FLRT2: variants seen among roughly 807,000 people sequenced by gnomAD.
FLRT2 encodes fibronectin leucine rich transmembrane protein 2, also known as leucine-rich repeat transmembrane protein FLRT2.
FLRT2 carries 15 observed loss-of-function variants against 40.0 expected under a neutral mutation model. The ratio of observed to expected loss-of-function variants is 0.38; its 90% CI spans 0.25 to 0.58. FLRT2 has a LOEUF of 0.58. Ranked by LOEUF, FLRT2 falls within the 20% of genes least tolerant of loss-of-function variation. The pLI, the probability that FLRT2 is intolerant of heterozygous loss-of-function variation, is 0.71. For synonymous variants in FLRT2, 380 were observed against 336.8 expected (o/e 1.13, Z -1.41); for missense variants, 726 against 840.0 (o/e 0.86, Z 1.68).
chr14:85,581,227 T>A (rs1337345184), intron 1 of FLRT2, among the ~76,000 whole-genome samples: 1 of 152,164 alleles, frequency 6.6e-6, no homozygotes, highest in African/African-American at 2.4e-5. Context: ...AAATGAGGCT[T>A]ATGCAAATTA....
At chr14:85,616,113 A>G (rs1338869388) in intron 1 of FLRT2, among the ~76,000 whole-genome samples, 1 of 152,080 alleles carries the variant, frequency 6.6e-6, no homozygotes, top group Non-Finnish European at 1.5e-5. Context: ...AGAGACTGGC[A>G]AGGACGGGTT....
intron 1 of FLRT2, among the ~76,000 whole-genome samples, chr14:85,551,455 C>G (rs1387293216): frequency 6.6e-6 from 1 of 152,148 alleles, no homozygotes; most frequent in Non-Finnish European, 1.5e-5. Flanking sequence ...TAGCTCTTAC[C>G]TTTCTCCAAG....
Position 85,647,876 on chromosome 14 carries a change from T to C in FLRT2, c.*24379T>C, listed in dbSNP as rs1894344568. 6.6e-6 allele frequency: 1 copy of C among 152,094 alleles called. No homozygotes were observed. Among genetic ancestry groups the C allele is most frequent in the South Asian group, 2.1e-4 (1 of 4,826 alleles). 9.4% of individuals were successfully genotyped at this position (152,094 alleles called of 1,614,324 possible). A position where few individuals can be genotyped will look rare whatever the true frequency, so the allele number is the denominator to read the frequency against. Reference sequence around the variant, plus strand: ...GTGCTAGGTGAGGTCAAAAGTAATATGAAATAGGAAGAGGATAAACAGTGT... The same window carrying C: ...GTGCTAGGTGAGGTCAAAAGTAATACGAAATAGGAAGAGGATAAACAGTGT... On this transcript the variant is annotated 3_prime_UTR_variant, in exon 2 of 2. Transcript: ENST00000330753.
At position 85,652,394 on chromosome 14, in the gene FLRT2, C is replaced by T. The variant is rs1024891873; in HGVS notation, c.*28897C>T. 1 of 151,984 alleles carries T rather than the reference C, an allele frequency of 6.6e-6. No homozygotes were observed. The highest frequency in any genetic ancestry group is 6.6e-5 in the Admixed American group (1 of 15,236). 9.4% of individuals were successfully genotyped at this position (151,984 alleles called of 1,614,324 possible). ...TTTCATTGAGGAATACCCAAGATAC[C>T]AAGTTTTCTTTCAGAAGTAATTTGC... On this transcript the variant is annotated 3_prime_UTR_variant, in exon 2 of 2. Transcript: ENST00000330753.
At chr14:85,619,982 G>C (rs915348453) in intron 1 of FLRT2, among the ~76,000 whole-genome samples, 1 of 152,176 alleles carries the variant, frequency 6.6e-6, no homozygotes, top group Non-Finnish European at 1.5e-5. Context: ...TTTACCCCTA[G>C]TCGTGAGCTT....
chr14:85,578,569 G>T (rs1194025205), intron 1 of FLRT2, among the ~76,000 whole-genome samples: 2 of 152,116 alleles, frequency 1.3e-5, no homozygotes, highest in African/African-American at 4.8e-5. Context: ...AGGAGGACAG[G>T]CCTGACCTCA....
chr14:85,617,702 G>A (rs773745033), intron 1 of FLRT2, among the ~76,000 whole-genome samples: 4 of 152,166 alleles, frequency 2.6e-5, no homozygotes, highest in Non-Finnish European at 5.9e-5. Flanking sequence ...AAAATAGAGT[G>A]CATTCACTGA....
Position 85,622,243 on chromosome 14 carries a change from C to T in FLRT2, c.729C>T (p.Ser243=), listed in dbSNP as rs1893425832. The change falls in exon 2 of 2, where the codon TCC becomes TCT. Residue 243 remains serine, a synonymous_variant. Transcript: ENST00000330753. The part of the protein sequence containing the change: ...KEFSIVRNSL[S]HPPPDLPGTH... ...TTTCAATTGTACGTAATTCGCTGTC[C>T]CACCCTCCTCCCGATCTCCCAGGTA... 1.2e-6 allele frequency: 2 copies of T among 1,614,098 alleles called. No individual in the cohort carries two copies. The highest frequency in any genetic ancestry group is 1.6e-4 in the Middle Eastern group (1 of 6,062).
At chr14:85,539,046 A>G (rs1302078837) in intron 1 of FLRT2, among the ~76,000 whole-genome samples, 1 of 152,144 alleles carries the variant, frequency 6.6e-6, no homozygotes, top group Non-Finnish European at 1.5e-5. Flanking sequence ...GTTTGCGTGC[A>G]TAGGGGCCAT....
rs767217858 is a variant in FLRT2, at chr14:85,611,911, C to T, written c.-376-9228C>T. Among the ~76,000 whole-genome samples the T allele has an allele frequency of 7.4e-3, 943 of 128,268 alleles. 10 individuals are homozygous for T. The highest frequency in any genetic ancestry group is 0.017 in the Middle Eastern group (4 of 236). The allele number at this position is 128,268 out of a possible 152,430, so 84.1% of individuals were successfully genotyped here. ...GAGAGAGAGAGAGAGCGCGCGTGCG[C>T]GAAAGCGTGTGTGTGTGTGTGTGTG... On this transcript the variant is annotated intron_variant, in intron 1 of 1. Transcript: ENST00000330753.
chr14:85,610,545 A>G (rs1295409333), intron 1 of FLRT2, among the ~76,000 whole-genome samples: 2 of 152,150 alleles, frequency 1.3e-5, no homozygotes, highest in African/African-American at 4.8e-5. Flanking sequence ...TCTTGGCCCT[A>G]TTTCTGCACT....
intron 1 of FLRT2, among the ~76,000 whole-genome samples, chr14:85,587,316 G>A (rs796841860): frequency 3.1e-4 from 46 of 150,206 alleles, no homozygotes; most frequent in African/African-American, 1.1e-3. Flanking sequence ...GAAGAAAGCA[G>A]AGCTCATCTT....
At position 85,621,748 on chromosome 14, in the gene FLRT2, T is replaced by C. The variant is rs917172092; in HGVS notation, c.234T>C (p.Ala78=). 2 of 1,614,114 alleles carry C rather than the reference T, an allele frequency of 1.2e-6. No individual in the cohort carries two copies. Among genetic ancestry groups the C allele is most frequent in the African/African-American group, 2.7e-5 (2 of 74,942 alleles). The change falls in exon 2 of 2, where the codon GCT becomes GCC. Residue 78 remains alanine, a synonymous_variant. Transcript: ENST00000330753. The part of the protein sequence containing the change: ...LYLHNNQINN[A]GFPAELHNVQ... ...TCCACAACAACCAAATTAATAATGC[T>C]GGATTTCCTGCAGAACTGCACAATG...
rs904487442 is a variant in FLRT2, at chr14:85,635,144, C to G, written c.*11647C>G. On this transcript the variant is annotated 3_prime_UTR_variant, in exon 2 of 2. Coordinates refer to ENST00000330753, the MANE Select transcript of FLRT2 (RefSeq NM_013231.6). ...TATGTTAGGGAAGCAACCTGCATAA[C>G]CATTAAAATCAGGAGCTACAGAATC... The G allele has an allele frequency of 6.6e-6, 1 of 152,098 alleles. No homozygotes were observed. Among genetic ancestry groups the G allele is most frequent in the Non-Finnish European group, 1.5e-5 (1 of 68,006 alleles). 9.4% of individuals were successfully genotyped at this position (152,098 alleles called of 1,614,324 possible).
At chr14:85,553,004 T>G (rs1009116567) in intron 1 of FLRT2, among the ~76,000 whole-genome samples, 1 of 152,214 alleles carries the variant, frequency 6.6e-6, no homozygotes, top group African/African-American at 2.4e-5. Context: ...CATTGAATTT[T>G]AACTATGGGA....
At position 85,623,521 on chromosome 14, in the gene FLRT2, A is replaced by G; in HGVS notation, c.*24A>G. 2.8e-6 allele frequency: 4 copies of G among 1,415,296 alleles called. No homozygotes were observed. Among genetic ancestry groups the G allele is most frequent in the Non-Finnish European group, 3.7e-6 (4 of 1,081,852 alleles). The allele number at this position is 1,415,296 out of a possible 1,614,324, so 87.7% of individuals were successfully genotyped here. ...GACAGCCAGAGGCCCAGCGTTATCA[A>G]GGCGGACAATTAGACTCTTGAGAAC... On this transcript the variant is annotated 3_prime_UTR_variant, in exon 2 of 2. Coordinates refer to ENST00000330753, the MANE Select transcript of FLRT2 (RefSeq NM_013231.6).
At chr14:85,573,598 T>C (rs899414786) in intron 1 of FLRT2, among the ~76,000 whole-genome samples, 2 of 152,144 alleles carry the variant, frequency 1.3e-5, no homozygotes, top group Non-Finnish European at 2.9e-5. Context: ...GTGCCAACCC[T>C]TTCAGCTGTT....
chr14:85,613,021 TC>T (rs1221837452), intron 1 of FLRT2, among the ~76,000 whole-genome samples: 2 of 152,214 alleles, frequency 1.3e-5, no homozygotes, highest in African/African-American at 4.8e-5. Context: ...TTTATTTTTT[TC>T]ATAAGCTTTT....
rs1342003268 is a variant in FLRT2 at position 85,644,215 on chromosome 14, T to C, written c.*20718T>C. 6.6e-6 allele frequency: 1 copy of C among 152,198 alleles called. No homozygotes were observed. The highest frequency in any genetic ancestry group is 1.5e-5 in the Non-Finnish European group (1 of 68,044). 9.4% of individuals were successfully genotyped at this position (152,198 alleles called of 1,614,324 possible). A position where few individuals can be genotyped will look rare whatever the true frequency, so the allele number is the denominator to read the frequency against. ...AATTAATGTAAGTTTACTCAGGTGG[T>C]AATTCCAGTTGCTATGGTTGTGGAA... On this transcript the variant is annotated 3_prime_UTR_variant, in exon 2 of 2. Coordinates refer to ENST00000330753, the MANE Select transcript of FLRT2 (RefSeq NM_013231.6).
Sources: gnomAD v4.1 joint callset for allele counts (sites outside exome capture counted in the v4.1 genomes callset) on GRCh38, gnomAD v4.1.1 for gene constraint, MANE v1.5 for transcripts, NCBI Gene and HGNC (gene_info 2026-07-23, HGNC 2026-07-21) for gene names.